Variants in RALGDS observed in about 807,000 individuals in gnomAD.
RALGDS encodes the protein ral guanine nucleotide exchange factor.
In RALGDS, 44 loss-of-function variants were observed where a neutral mutation model predicts 99.8. That is an observed-to-expected ratio of 0.44 (90% CI 0.35 to 0.57). The LOEUF (loss-of-function observed/expected upper bound fraction) is 0.57. Ranked by LOEUF, RALGDS falls within the 20% of genes least tolerant of loss-of-function variation. The pLI is 0.01. For synonymous variants in RALGDS, 529 were observed against 505.0 expected, an observed-to-expected ratio of 1.05 and a Z score of -0.64; for missense variants, 1,022 against 1,203.1, an observed-to-expected ratio of 0.85 and a Z score of 2.23.
chr9:133,104,369 C>T, intron 9 of RALGDS, 38 bp from the exon 10 acceptor site: 4 of 1,550,318 alleles, frequency 2.6e-6, no homozygotes, highest in Non-Finnish European at 3.6e-6. Flanking sequence ...AGGCCCTATC[C>T]CCTCAGCCCT....
At chr9:133,122,205 CT>C (rs1429957874), upstream of RALGDS, among the ~76,000 whole-genome samples, 3 of 152,344 alleles carry the variant, frequency 2.0e-5, no homozygotes, top group African/African-American at 7.2e-5. Flanking sequence ...TCCTCAACTA[CT>C]CTTTCTGGAA....
At chr9:133,101,239 G>GC (rs1830741029) in intron 16 of RALGDS, 4 of 1,306,780 alleles carry the variant, frequency 3.1e-6, no homozygotes, top group Non-Finnish European at 3.9e-6. Flanking sequence ...AGGGCTCAGG[G>GC]CCTATGTGGC....
chr9:133,102,594 G>A (rs1830811676), intron 13 of RALGDS, 23 bp from the exon 14 acceptor site: 6 of 1,612,188 alleles, frequency 3.7e-6, no homozygotes, highest in South Asian at 1.1e-5. Context: ...GGGCAGTGGT[G>A]TGACAACCAG....
chr9:133,108,520 C>T, intron 5 of RALGDS, 114 bp from the exon 6 acceptor site: 5 of 1,400,052 alleles, frequency 3.6e-6, no homozygotes, highest in Non-Finnish European at 4.9e-6. Context: ...AAAACGTGTA[C>T]CAGGCCACTC....
At chr9:133,128,186 C>T (rs1016465406) in intron 1 of RALGDS, among the ~76,000 whole-genome samples, 6 of 151,760 alleles carry the variant, frequency 4.0e-5, no homozygotes, top group Non-Finnish European at 7.4e-5. Context: ...TGTGACAGGC[C>T]GAAGTGGAGG....
At position 133,145,007 on chromosome 9, in the gene RALGDS, A is replaced by G. The variant is rs559000649; in HGVS notation, c.18+3956T>C. Among the ~76,000 whole-genome samples, 5 of 152,352 alleles carry G rather than the reference A, an allele frequency of 3.3e-5. No individual in the cohort carries two copies. In the East Asian group the frequency reaches 9.6e-4, roughly 29 times the overall value. On this transcript the variant is annotated intron_variant, in intron 1 of 17. Transcript: ENST00000393160. ...AGGCACAGTTTGCAGTCACACGTCT[A>G]CAAAACCAGGAACGAATGCCAAGGA...
Position 133,108,186 on chromosome 9 carries a change from C to T in RALGDS, c.999G>A (p.Leu333=). The change falls in exon 6 of 18, where the codon CTG becomes CTA. Residue 333 remains leucine, a synonymous_variant. Coordinates refer to ENST00000372050, the MANE Select transcript of RALGDS (RefSeq NM_006266.4). ...VGLESAPAPA[L]ELEPAPEQDP... is the part of the protein sequence containing the mutation. ...CCTGTTCTGGAGCTGGCTCTAGTTC[C>T]AGAGCTGGCGCTGGAGCCGATTCTA... 1.9e-6 allele frequency: 3 copies of T among 1,611,856 alleles called. No homozygotes were observed. In the South Asian group the frequency reaches 3.3e-5, roughly 18 times the overall value.
Position 133,100,295 on chromosome 9 carries a change from G to A in RALGDS, c.2542C>T (p.Leu848=), listed in dbSNP as rs199813203. The change falls in exon 17 of 18, where the codon CTG becomes TTG. Residue 848 remains leucine, a synonymous_variant. Transcript: ENST00000372050. ...CGGTCATCTGAGAGAATCTGCAGCA[G>A]CTCATAGTCCTCCGGCTCCTCCTCC... The part of the protein sequence containing the change: ...LEEEEPEDYE[L]LQILSDDRKL... 6.2e-7 allele frequency: 1 copy of A among 1,614,222 alleles called. No homozygotes were observed. Among genetic ancestry groups the A allele is most frequent in the Non-Finnish European group, 8.5e-7 (1 of 1,180,030 alleles).
At chr9:133,137,376 T>C (rs1832444498) in intron 1 of RALGDS, among the ~76,000 whole-genome samples, 1 of 152,236 alleles carries the variant, frequency 6.6e-6, no homozygotes, top group African/African-American at 2.4e-5. Flanking sequence ...TGGCTCTCCA[T>C]AAATGCCTAG....
chr9:133,125,366 C>T (rs1279772037), upstream of RALGDS, among the ~76,000 whole-genome samples: 1 of 152,076 alleles, frequency 6.6e-6, no homozygotes, highest in Non-Finnish European at 1.5e-5. Context: ...CACCGATGGT[C>T]GTGAAAGCTG....
intron 1 of RALGDS, among the ~76,000 whole-genome samples, chr9:133,137,979 A>G (rs554031): frequency 0.33 from 49,741 of 152,138 alleles, 8,596 homozygotes; most frequent in East Asian, 0.56. Flanking sequence ...GGCCAGGGGA[A>G]CCAGGACAAA....
chr9:133,131,135 C>T (rs1832322203), upstream of RALGDS: 2 of 1,438,452 alleles, frequency 1.4e-6, no homozygotes, highest in South Asian at 1.5e-5. Context: ...CAGCACCTCG[C>T]TCCCAGCCCT....
At chr9:133,121,552 C>A (rs1831948712), upstream of RALGDS, among the ~76,000 whole-genome samples, 1 of 152,174 alleles carries the variant, frequency 6.6e-6, no homozygotes, top group South Asian at 2.1e-4. Context: ...CACGCTGCTG[C>A]AGTGCGTGTG....
At position 133,129,810 on chromosome 9, in the gene RALGDS, CTTTTTTT is replaced by C. The variant is rs35514711; in HGVS notation, c.132+1135_132+1141del. Among the ~76,000 whole-genome samples, 411 of 129,658 alleles carry C rather than the reference CTTTTTTT, an allele frequency of 3.2e-3. 1 individual carries two copies. Among genetic ancestry groups the C allele is most frequent in the African/African-American group, 0.011 (380 of 36,124 alleles). 85.1% of individuals were successfully genotyped at this position (129,658 alleles called of 152,430 possible). A position where few individuals can be genotyped will look rare whatever the true frequency, so the allele number is the denominator to read the frequency against. On this transcript the variant is annotated intron_variant, in intron 1 of 17. Transcript: ENST00000372062. ...ACCCAGGCACGAGATTTCCTTTCTT[CTTTTTTT>C]TTTTTTTTTTTTCCCTGAGATGGAA...
At chr9:133,140,821 G>A (rs1347360125) in intron 1 of RALGDS, among the ~76,000 whole-genome samples, 1 of 152,146 alleles carries the variant, frequency 6.6e-6, no homozygotes, top group Non-Finnish European at 1.5e-5. Flanking sequence ...CCTTCTTGGC[G>A]TGGCATCCGG....
intron 1 of RALGDS, chr9:133,148,920 TC>T: frequency 6.3e-7 from 1 of 1,595,696 alleles, no homozygotes; most frequent in Non-Finnish European, 8.5e-7. Flanking sequence ...CATACGGTCC[TC>T]CCTCCACCCG....
intron 14 of RALGDS, 47 bp from the exon 15 acceptor site, chr9:133,102,186 C>T: frequency 2.0e-6 from 3 of 1,536,528 alleles, no homozygotes; most frequent in Non-Finnish European, 2.6e-6. Context: ...AAGGACACAT[C>T]CCAACCCCAC....
intron 1 of RALGDS, among the ~76,000 whole-genome samples, chr9:133,143,768 T>TAACAACAAC (rs1417707331): frequency 8.8e-5 from 9 of 102,444 alleles, no homozygotes; most frequent in Non-Finnish European, 1.1e-4. Context: ...ATAATAATAA[T>TAACAACAAC]AATAACAACA....
At chr9:133,100,964 G>T in intron 16 of RALGDS, 1 of 1,050,110 alleles carries the variant, frequency 9.5e-7, no homozygotes, top group Non-Finnish European at 1.2e-6. Context: ...AGAGGGTGGG[G>T]GTTACAAATG....
Sources: gnomAD v4.1 joint callset for allele counts (sites outside exome capture counted in the v4.1 genomes callset) on GRCh38, gnomAD v4.1.1 for gene constraint, MANE v1.5 for transcripts, NCBI Gene and HGNC (gene_info 2026-07-23, HGNC 2026-07-21) for gene names.